Variants in LMCD1 observed in about 807,000 individuals in gnomAD.
LMCD1 encodes the protein LIM and cysteine rich domains 1, also known as LIM and cysteine-rich domains protein 1.
In LMCD1, 32 loss-of-function variants were observed where a neutral mutation model predicts 42.7. The observed-to-expected ratio is 0.75, with a 90% CI of 0.57 to 1.01. The LOEUF is 1.01. LMCD1 is among the 50% of genes least tolerant of loss of function. The pLI is 0.00. For synonymous variants in LMCD1, 178 were observed against 184.9 expected (o/e 0.96, Z 0.30); for missense variants, 458 against 483.1 (o/e 0.95, Z 0.49).
Position 8,573,305 on chromosome 3 carries a change from T to A in LMCD1, c.*5707T>A, listed in dbSNP as rs1195845201. The A allele has an allele frequency of 6.6e-6, 1 of 152,218 alleles. No homozygotes were observed. Among genetic ancestry groups the A allele is most frequent in the African/African-American group, 2.4e-5 (1 of 41,450 alleles). The allele number at this position is 152,218 out of a possible 1,614,324, so 9.4% of individuals were successfully genotyped here. A position where few individuals can be genotyped will look rare whatever the true frequency, so the allele number is the denominator to read the frequency against. ...TATGTTTATGGTCTATAACATGGTG[T>A]TTCGATATATGTATACATCGTGGAA... On this transcript the variant is annotated 3_prime_UTR_variant, in exon 6 of 6. Transcript: ENST00000157600.
chr3:8,546,905 T>C (rs569207287), intron 3 of LMCD1, among the ~76,000 whole-genome samples: 1 of 152,326 alleles, frequency 6.6e-6, no homozygotes, highest in African/African-American at 2.4e-5. Flanking sequence ...CTGGCTACCG[T>C]CTAGCAAATG....
chr3:8,550,328 T>A (rs1694819401), intron 4 of LMCD1: 1 of 994,266 alleles, frequency 1.0e-6, no homozygotes, highest in African/African-American at 1.8e-5. Context: ...CTTTTGGAGA[T>A]AGAAGTCCCA....
In LMCD1 at chr3:8,506,851, G is replaced by T. The variant is rs1032983097; in HGVS notation, c.42+4871G>T. 2.6e-5 allele frequency among the ~76,000 whole-genome samples: 4 copies of T among 152,292 alleles called. No individual in the cohort carries two copies. In the South Asian group the frequency reaches 8.3e-4, roughly 32 times the overall value. ...TGGCAGAATTTGGATGAGAACCAGGGTTCCTTCTGCCTCCAGCCCACTGAC... is the reference window on the plus strand; with the variant it reads ...TGGCAGAATTTGGATGAGAACCAGGTTTCCTTCTGCCTCCAGCCCACTGAC... On this transcript the variant is annotated intron_variant, in intron 1 of 5. Coordinates refer to ENST00000157600, the MANE Select transcript of LMCD1 (RefSeq NM_014583.4).
rs1054569978 is a variant in LMCD1 at position 8,550,524 on chromosome 3, C to G, written c.723+1621C>G. The G allele has an allele frequency of 6.1e-6, 6 of 984,998 alleles. No homozygotes were observed. The African/African-American group carries it at 1.1e-4, about 17-fold the overall frequency. The allele number at this position is 984,998 out of a possible 1,614,324, so 61.0% of individuals were successfully genotyped here. ...AAACCTGCATCCTCCATCTCCAAGC[C>G]CCATCTTATTAGCACCATCTGGGAT... On this transcript the variant is annotated intron_variant, in intron 4 of 5. Transcript: ENST00000157600.
intron 1 of LMCD1, among the ~76,000 whole-genome samples, chr3:8,515,198 A>T (rs1417028250): frequency 1.3e-5 from 2 of 152,154 alleles, no homozygotes; most frequent in African/African-American, 4.8e-5. Flanking sequence ...AAATCTTGCC[A>T]TTGAATTTAG....
intron 3 of LMCD1, among the ~76,000 whole-genome samples, chr3:8,539,018 G>A (rs1250251626): frequency 6.6e-6 from 1 of 152,222 alleles, no homozygotes; most frequent in Non-Finnish European, 1.5e-5. Flanking sequence ...AATTTGACAT[G>A]CAACTGTGTG....
chr3:8,517,100 A>G (rs545920986), intron 1 of LMCD1, among the ~76,000 whole-genome samples: 12 of 152,328 alleles, frequency 7.9e-5, no homozygotes, highest in African/African-American at 2.2e-4. Flanking sequence ...AATGTGGGCA[A>G]TTCAACCCAT....
At chr3:8,521,203 G>T (rs902582933) in intron 1 of LMCD1, among the ~76,000 whole-genome samples, 7 of 152,134 alleles carry the variant, frequency 4.6e-5, no homozygotes, top group Admixed American at 6.5e-5. Context: ...CAAAAAGGCT[G>T]GTTTCCTTTC....
Position 8,537,174 on chromosome 3 carries a change from C to T in LMCD1, c.132-11C>T, listed in dbSNP as rs370004546. 1.1e-5 allele frequency: 18 copies of T among 1,612,302 alleles called. No homozygotes were observed. The African/African-American group carries it at 2.3e-4, about 20-fold the overall frequency. ...GGTTAATCTCACTGGTCCCCATCCA[C>T]CCACCCCCAGGAAAATATGCAAGTC... On this transcript the variant is annotated splice_polypyrimidine_tract_variant and intron_variant, in intron 2 of 5. Transcript: ENST00000157600.
rs1694815297 is a variant in LMCD1 at position 8,550,148 on chromosome 3, C to T, written c.723+1245C>T. ...GAAGCCAGAGTTGGGGAGATGAAAG[C>T]CTCATGGCTTGGTTTGTCTTAAACT... On this transcript the variant is annotated intron_variant, in intron 4 of 5. Transcript: ENST00000157600. 4.8e-5 allele frequency: 65 copies of T among 1,350,738 alleles called. No individual in the cohort carries two copies. The South Asian group carries it at 5.3e-4, about 11-fold the overall frequency. The allele number at this position is 1,350,738 out of a possible 1,614,324, so 83.7% of individuals were successfully genotyped here. A position where few individuals can be genotyped will look rare whatever the true frequency, so the allele number is the denominator to read the frequency against.
chr3:8,517,284 A>G (rs566663495), intron 1 of LMCD1, among the ~76,000 whole-genome samples: 10 of 152,354 alleles, frequency 6.6e-5, no homozygotes, highest in Admixed American at 3.9e-4. Flanking sequence ...AATATTGTAT[A>G]AAATTACCCC....
intron 4 of LMCD1, among the ~76,000 whole-genome samples, chr3:8,560,485 T>G (rs1394764140): frequency 6.6e-6 from 1 of 152,164 alleles, no homozygotes; most frequent in Non-Finnish European, 1.5e-5. Context: ...TTCACATTTG[T>G]AAATGTGGAG....
Position 8,561,215 on chromosome 3 carries a change from C to T in LMCD1, c.724-4217C>T, listed in dbSNP as rs114029857. On this transcript the variant is annotated intron_variant, in intron 4 of 5. Coordinates refer to ENST00000157600, the MANE Select transcript of LMCD1 (RefSeq NM_014583.4). The stretch of plus-strand genomic sequence containing the variant: ...GTTTAAATTAGCATCTAAAGCCAGG[C>T]TCAGCAAACACTTTCTTTGGAGGGC... Among the ~76,000 whole-genome samples the T allele has an allele frequency of 4.8e-3, 727 of 152,256 alleles. 6 individuals are homozygous for T. Among genetic ancestry groups the T allele is most frequent in the African/African-American group, 0.016 (679 of 41,534 alleles).
chr3:8,532,844 A>G lies in LMCD1; in HGVS notation c.131+19A>G. On this transcript the variant is annotated intron_variant, in intron 2 of 5. Coordinates refer to ENST00000157600, the MANE Select transcript of LMCD1 (RefSeq NM_014583.4). ...CATGGAGGTAACAGATTTTGTCAGG[A>G]GGGTCCCTGTCTGCCTTTGTTACTT... 1 of 1,603,232 alleles carries G rather than the reference A, an allele frequency of 6.2e-7. No homozygotes were observed. Among genetic ancestry groups the G allele is most frequent in the Non-Finnish European group, 8.5e-7 (1 of 1,170,806 alleles).
chr3:8,532,971 T>C (rs1278222973), intron 2 of LMCD1, 146 bp downstream of exon 2: 2 of 692,164 alleles, frequency 2.9e-6, no homozygotes, highest in African/African-American at 3.6e-5. Flanking sequence ...CACTCCTGCT[T>C]GGTCCAATTC....
chr3:8,522,588 C>T (rs564545626), intron 1 of LMCD1, among the ~76,000 whole-genome samples: 2 of 152,278 alleles, frequency 1.3e-5, no homozygotes, highest in African/African-American at 2.4e-5. Context: ...TCACATGCTC[C>T]ACCTTGGCAG....
intron 1 of LMCD1, among the ~76,000 whole-genome samples, chr3:8,521,926 G>A (rs1349317959): frequency 1.3e-5 from 2 of 152,086 alleles, no homozygotes; most frequent in Admixed American, 6.5e-5. Flanking sequence ...TGCAGATGGT[G>A]GGGTCAGCTT....
At chr3:8,514,662 A>G (rs1694066483) in intron 1 of LMCD1, among the ~76,000 whole-genome samples, 1 of 152,208 alleles carries the variant, frequency 6.6e-6, no homozygotes, top group Non-Finnish European at 1.5e-5. Context: ...TATTTATACA[A>G]CAGAATATTA....
intron 1 of LMCD1, among the ~76,000 whole-genome samples, chr3:8,503,401 C>T (rs1693806732): frequency 6.6e-6 from 1 of 152,204 alleles, no homozygotes; most frequent in Non-Finnish European, 1.5e-5. Context: ...TGGAATGTAT[C>T]ATGCCTCACT....
Sources: gnomAD v4.1 joint callset for allele counts (sites outside exome capture counted in the v4.1 genomes callset) on GRCh38, gnomAD v4.1.1 for gene constraint, MANE v1.5 for transcripts, NCBI Gene and HGNC (gene_info 2026-07-23, HGNC 2026-07-21) for gene names.